The following KEL variants were observed in gnomAD, a reference collection of about 807,000 sequenced individuals.
The protein encoded by KEL is kell blood group glycoprotein.
Under a neutral mutation model 99.5 loss-of-function variants are expected in KEL, and 96 were observed. The ratio of observed to expected loss-of-function variants is 0.97; its 90% confidence interval spans 0.82 to 1.14. The LOEUF (loss-of-function observed/expected upper bound fraction) is 1.14. Ranked by LOEUF, KEL falls within the 50% of genes most tolerant of loss-of-function variation. The pLI is 0.00. For synonymous variants in KEL, 355 were observed against 354.8 expected (o/e 1.00, Z -0.01); for missense variants, 926 against 924.2 (o/e 1.00, Z -0.03).
At chr7:142,960,465 G>A (rs116129242) in intron 4 of KEL, among the ~76,000 whole-genome samples, 1 of 152,140 alleles carries the variant, frequency 6.6e-6, no homozygotes, top group Admixed American at 6.5e-5. Flanking sequence ...GTTAGAGAAT[G>A]AGAGTGATGG....
In KEL at chr7:142,953,865, TCATGGACCA is replaced by T; in HGVS notation, c.1007_1015del (p.Val336_His338del). 1 of 1,614,190 alleles carries T rather than the reference TCATGGACCA, an allele frequency of 6.2e-7. No individual in the cohort carries two copies. The highest frequency in any genetic ancestry group is 1.1e-5 in the South Asian group (1 of 91,080). On this transcript the variant is annotated inframe_deletion, in exon 9 of 19. Transcript: ENST00000355265. The stretch of plus-strand genomic sequence containing the variant: ...TGACATGTTTTTCAAATATTCCACG[TCATGGACCA>T]CGAGGGACTGAGAAGGGCTCAGGGA...
At chr7:142,959,137 T>A (rs918138001) in intron 4 of KEL, among the ~76,000 whole-genome samples, 2 of 152,230 alleles carry the variant, frequency 1.3e-5, no homozygotes, top group African/African-American at 4.8e-5. Context: ...GTCACTCATA[T>A]TTGGCTCAAA....
Position 142,944,633 on chromosome 7 carries a change from C to T in KEL, c.1413+10G>A, listed in dbSNP as rs1198038046. The T allele has an allele frequency of 6.2e-7, 1 of 1,608,928 alleles. No homozygotes were observed. Among genetic ancestry groups the T allele is most frequent in the South Asian group, 1.1e-5 (1 of 90,950 alleles). On this transcript the variant is annotated intron_variant, in intron 12 of 18. Coordinates refer to ENST00000355265, the MANE Select transcript of KEL (RefSeq NM_000420.3). The stretch of plus-strand genomic sequence containing the variant: ...CAGGCTCCCACACCAGCCAGGACGC[C>T]TGGCCTGACCTTGTCCTGGGCCATG...
Position 142,954,640 on chromosome 7 carries a change from T to C in KEL, c.673-113A>G, listed in dbSNP as rs547618462. 52 of 920,918 alleles carry C rather than the reference T, an allele frequency of 5.6e-5. 1 individual carries two copies. The South Asian group carries it at 6.4e-4, about 11-fold the overall frequency. 57.0% of individuals were successfully genotyped at this position (920,918 alleles called of 1,614,324 possible). On this transcript the variant is annotated intron_variant, in intron 6 of 18. Transcript: ENST00000355265. Reference sequence around the variant, plus strand: ...TGGCCTTGGGAGATGGACACAAAGATTGGACAGAAGAGAAGCAAGAGTACA... The same window carrying C: ...TGGCCTTGGGAGATGGACACAAAGACTGGACAGAAGAGAAGCAAGAGTACA...
At chr7:142,947,643 C>G (rs540862229) in intron 10 of KEL, among the ~76,000 whole-genome samples, 1 of 152,112 alleles carries the variant, frequency 6.6e-6, no homozygotes, top group Admixed American at 6.5e-5. Context: ...TTTCACCTCC[C>G]GGGTTCAAGT....
chr7:142,944,204 G>T, intron 13 of KEL, 119 bp downstream of exon 13: 1 of 850,734 alleles, frequency 1.2e-6, no homozygotes. Flanking sequence ...GCCAGCACCA[G>T]AGTAAGGACA....
intron 6 of KEL, among the ~76,000 whole-genome samples, chr7:142,957,476 T>C (rs1796853507): frequency 6.6e-6 from 1 of 152,212 alleles, no homozygotes; most frequent in Non-Finnish European, 1.5e-5. Flanking sequence ...GTAGCATAGT[T>C]AGTTAGCCCT....
chr7:142,951,796 A>G (rs1796692337), intron 10 of KEL, among the ~76,000 whole-genome samples: 1 of 152,068 alleles, frequency 6.6e-6, no homozygotes, highest in Non-Finnish European at 1.5e-5. Flanking sequence ...ATGGACCACA[A>G]ATTACTAAGA....
At chr7:142,944,901 T>A (rs1796482392) in intron 11 of KEL, 160 bp from the exon 12 acceptor site, 1 of 682,612 alleles carries the variant, frequency 1.5e-6, no homozygotes, top group Non-Finnish European at 2.6e-6. Context: ...AACTAAAGGA[T>A]CTGTGGAGAA....
Position 142,957,985 on chromosome 7 carries a change from A to C in KEL, c.526-12T>G, listed in dbSNP as rs1195623492. 1 of 1,613,322 alleles carries C rather than the reference A, an allele frequency of 6.2e-7. No homozygotes were observed. Among genetic ancestry groups the C allele is most frequent in the Admixed American group, 1.7e-5 (1 of 59,890 alleles). On this transcript the variant is annotated splice_polypyrimidine_tract_variant and intron_variant, in intron 5 of 18. Coordinates refer to ENST00000355265, the MANE Select transcript of KEL (RefSeq NM_000420.3). ...CGCCAGCCTCCAAGCTTTAAAGGAG[A>C]GAGAGGGGGCTGAGCATAAGGATCC...
chr7:142,961,118 C>T lies in KEL; in HGVS notation c.224-14G>A. On this transcript the variant is annotated splice_polypyrimidine_tract_variant and intron_variant, in intron 3 of 18. Transcript: ENST00000355265. The stretch of plus-strand genomic sequence containing the variant: ...TCTCACAGGGGCCTGTGGGGAAAAG[C>T]TCAGAGCTGGGAAAGAAGAGGCAAA... 6.2e-7 allele frequency: 1 copy of T among 1,613,000 alleles called. No individual in the cohort carries two copies.
At position 142,957,960 on chromosome 7, in the gene KEL, C is replaced by A; in HGVS notation, c.539G>T (p.Arg180Leu). 1 of 1,614,056 alleles carries A rather than the reference C, an allele frequency of 6.2e-7. No homozygotes were observed. The change falls in exon 6 of 19, where the codon CGC (arginine) becomes CTC (leucine). Residue 180 changes from arginine to leucine, a missense_variant. Arg to Leu is a moderately radical substitution (Grantham distance 102). Transcript: ENST00000355265. ...RQVIEELGGWRISGKWTSLNF... is the reference protein window; with the variant it reads ...RQVIEELGGWLISGKWTSLNF... ...TAAGGAAGTCCATTTACCAGAGATG[C>A]GCCAGCCTCCAAGCTTTAAAGGAGA...
rs1209037980 is a variant in KEL at position 142,941,258 on chromosome 7, G to C, written c.2193C>G (p.Leu731=). Residue 731 remains leucine, a synonymous_variant, in exon 19 of 19, where the codon CTC becomes CTG. Coordinates refer to ENST00000355265, the MANE Select transcript of KEL (RefSeq NM_000420.3). The stretch of plus-strand genomic sequence containing the variant: ...GGCATCTTTGGTAACCAAGTTACCA[G>C]AGCTGGCAGCGGCTGGAGGGGTTCA... ...ALLNPSSRCQ[L]W 1 of 1,614,050 alleles carries C rather than the reference G, an allele frequency of 6.2e-7. No individual in the cohort carries two copies. Among genetic ancestry groups the C allele is most frequent in the Non-Finnish European group, 8.5e-7 (1 of 1,180,050 alleles).
intron 16 of KEL, 100 bp downstream of exon 16, chr7:142,943,176 C>T: frequency 1.3e-6 from 2 of 1,549,454 alleles, no homozygotes; most frequent in Non-Finnish European, 1.8e-6. Context: ...ACTGCCCCAC[C>T]TCAAACCCTC....
At position 142,957,826 on chromosome 7, in the gene KEL, C is replaced by T; in HGVS notation, c.672+1G>A. 6.2e-7 allele frequency: 1 copy of T among 1,614,014 alleles called. No homozygotes were observed. On this transcript the variant is annotated splice_donor_variant, in intron 6 of 18. Transcript: ENST00000355265. LOFTEE classifies it high-confidence loss of function. ...TGTGTCTTCGCCAGTGCATCCCTCA[C>T]CTGGATGACTGGTGTGTGTGGAGAG...
rs8175967 is a variant in KEL, at chr7:142,959,240, G to T, written c.401-812C>A. ...ACTGGTATAGAGGCAAAGAGGGAGG[G>T]TGGGAGACAGGGAGCTTACAGGAAA... is the stretch of plus-strand genomic sequence containing the variant. On this transcript the variant is annotated intron_variant, in intron 4 of 18. Coordinates refer to ENST00000355265, the MANE Select transcript of KEL (RefSeq NM_000420.3). Among the ~76,000 whole-genome samples the T allele has an allele frequency of 6.5e-3, 992 of 152,316 alleles. 13 individuals are homozygous for T. Among genetic ancestry groups the T allele is most frequent in the African/African-American group, 0.022 (930 of 41,570 alleles).
At position 142,962,249 on chromosome 7, in the gene KEL, C is replaced by T; in HGVS notation, c.-43G>A. On this transcript the variant is annotated 5_prime_UTR_variant, in exon 1 of 19. Transcript: ENST00000355265. ...CTCCAGAATCCTTCCTGGTTCCACT[C>T]TAGGAGCTGATTCGGAGGACTGGGG... The T allele has an allele frequency of 1.2e-6, 2 of 1,613,602 alleles. No homozygotes were observed. The highest frequency in any genetic ancestry group is 3.3e-5 in the Admixed American group (2 of 60,026).
intron 4 of KEL, among the ~76,000 whole-genome samples, chr7:142,959,114 A>G (rs1169248887): frequency 6.6e-6 from 1 of 152,244 alleles, no homozygotes; most frequent in Non-Finnish European, 1.5e-5. Flanking sequence ...TGAGGACTGT[A>G]TCATGGGCCA....
chr7:142,953,292 A>G (rs531356813), intron 9 of KEL: 3 of 900,678 alleles, frequency 3.3e-6, no homozygotes, highest in African/African-American at 3.6e-5. Context: ...GCTCTTAGAC[A>G]TTGTTTCCCA....
Sources: allele counts gnomAD v4.1 joint callset (sites outside exome capture counted in the v4.1 genomes callset), GRCh38; gene constraint gnomAD v4.1.1; transcripts MANE v1.5; gene names NCBI Gene and HGNC (gene_info 2026-07-23, HGNC 2026-07-21).